Variants in EHHADH observed in about 807,000 individuals in gnomAD.
The protein encoded by EHHADH is peroxisomal bifunctional enzyme.
In EHHADH, 48 loss-of-function variants were observed where a neutral mutation model predicts 64.4. That is an observed-to-expected ratio of 0.75 (90% CI 0.59 to 0.95). EHHADH has a LOEUF of 0.95. Ranked by LOEUF, EHHADH falls within the 40% of genes least tolerant of loss-of-function variation. EHHADH has a pLI of 0.00. For synonymous variants in EHHADH, 308 were observed against 326.7 expected (o/e 0.94, Z 0.62); for missense variants, 854 against 876.6 (o/e 0.97, Z 0.33).
intron 2 of EHHADH, among the ~76,000 whole-genome samples, chr3:185,243,068 G>A (rs1285978652): frequency 6.6e-6 from 1 of 152,150 alleles, no homozygotes; most frequent in East Asian, 1.9e-4. Flanking sequence ...TATTTCACAT[G>A]GCTCTCTAAA....
intron 5 of EHHADH, among the ~76,000 whole-genome samples, chr3:185,217,301 C>T (rs1718706262): frequency 6.6e-6 from 1 of 152,024 alleles, no homozygotes; most frequent in African/African-American, 2.4e-5. Flanking sequence ...AATCCCAGCA[C>T]TTTGGGAGGT....
intron 6 of EHHADH, among the ~76,000 whole-genome samples, chr3:185,201,129 G>A (rs1054288128): frequency 3.9e-5 from 6 of 152,136 alleles, no homozygotes; most frequent in African/African-American, 1.4e-4. Flanking sequence ...TTTGGAAGTG[G>A]AGAAATATTC....
At chr3:185,218,000 C>T in intron 5 of EHHADH, 136 bp downstream of exon 5, 1 of 454,664 alleles carries the variant, frequency 2.2e-6, no homozygotes, top group Admixed American at 3.5e-5. Context: ...CTCCTGACCT[C>T]GTGATCCGCC....
At chr3:185,215,761 A>G (rs1037480387) in intron 5 of EHHADH, among the ~76,000 whole-genome samples, 1 of 152,236 alleles carries the variant, frequency 6.6e-6, no homozygotes, top group Non-Finnish European at 1.5e-5. Flanking sequence ...AACAAAAGCA[A>G]AAATCACTTA....
intron 5 of EHHADH, among the ~76,000 whole-genome samples, chr3:185,209,029 G>A (rs1487320206): frequency 6.6e-6 from 1 of 152,214 alleles, no homozygotes; most frequent in Admixed American, 6.5e-5. Context: ...GGGGATGTGA[G>A]TAGGAGTTAG....
rs991051165 is a variant in EHHADH, at chr3:185,248,477, C to G, written c.115G>C (p.Ala39Pro). Reference sequence around the variant, plus strand: ...GCTTTTATTGTATGGTCTATTACAGCTTTCTGTAGTCCTTCTTTTATGTCA... The same window carrying G: ...GCTTTTATTGTATGGTCTATTACAGGTTTCTGTAGTCCTTCTTTTATGTCA... Reference protein sequence around the residue: ...LRDIKEGLQKAVIDHTIKAIV... With the variant: ...LRDIKEGLQKPVIDHTIKAIV... Residue 39 changes from alanine to proline, a missense_variant, in exon 2 of 7, where the codon GCT becomes CCT. Physicochemically the swap from Ala to Pro is conservative, Grantham distance 27. Coordinates refer to ENST00000231887, the MANE Select transcript of EHHADH (RefSeq NM_001966.4). 4.3e-6 allele frequency: 7 copies of G among 1,613,764 alleles called. No individual in the cohort carries two copies. The highest frequency in any genetic ancestry group is 5.9e-6 in the Non-Finnish European group (7 of 1,179,840).
At position 185,199,593 on chromosome 3, in the gene EHHADH, T is replaced by C. The variant is rs114545208; in HGVS notation, c.910+4823A>G. ...CTGCCTGCAGGCAAAAACATGTTTT[T>C]ACATTTTTAAATAAAAAATTTTAAA... On this transcript the variant is annotated intron_variant, in intron 6 of 6. Coordinates refer to ENST00000231887, the MANE Select transcript of EHHADH (RefSeq NM_001966.4). Among the ~76,000 whole-genome samples the C allele has an allele frequency of 4.7e-3, 718 of 152,374 alleles. 8 individuals are homozygous for C. The highest frequency in any genetic ancestry group is 0.016 in the African/African-American group (684 of 41,586).
At chr3:185,249,186 T>C (rs1005224707) in intron 1 of EHHADH, among the ~76,000 whole-genome samples, 3 of 152,012 alleles carry the variant, frequency 2.0e-5, no homozygotes, top group African/African-American at 4.8e-5. Flanking sequence ...TGGAGTGCAG[T>C]GGCGCGATCT....
At chr3:185,197,941 T>A (rs1329905769) in intron 6 of EHHADH, among the ~76,000 whole-genome samples, 1 of 151,134 alleles carries the variant, frequency 6.6e-6, no homozygotes, top group South Asian at 2.1e-4. Context: ...GGATTACAGG[T>A]GTGCACCACC....
intron 6 of EHHADH, 151 bp from the exon 7 acceptor site, chr3:185,193,638 G>T (rs1323402421): frequency 2.3e-6 from 2 of 877,474 alleles, no homozygotes; most frequent in Non-Finnish European, 3.4e-6. Context: ...TTAAGACTCT[G>T]CACTCTCTTA....
intron 6 of EHHADH, among the ~76,000 whole-genome samples, chr3:185,201,312 A>G (rs1718216165): frequency 1.3e-5 from 2 of 152,170 alleles, no homozygotes; most frequent in Non-Finnish European, 2.9e-5. Context: ...AAAGTGGGTA[A>G]CTGTGAGCCA....
rs116667680 is a variant in EHHADH, at chr3:185,238,632, T to C, written c.179-3170A>G. On this transcript the variant is annotated intron_variant, in intron 2 of 6. Coordinates refer to ENST00000231887, the MANE Select transcript of EHHADH (RefSeq NM_001966.4). ...TATAACCAAAAGACAATGTCCACTT[T>C]TTAATGGAGTTAATTGGTTTTTCCT... Among the ~76,000 whole-genome samples the C allele has an allele frequency of 5.3e-3, 806 of 152,320 alleles. 10 individuals are homozygous for C. The highest frequency in any genetic ancestry group is 0.019 in the African/African-American group (775 of 41,580).
At chr3:185,199,408 GT>G (rs1718164607) in intron 6 of EHHADH, among the ~76,000 whole-genome samples, 1 of 152,122 alleles carries the variant, frequency 6.6e-6, no homozygotes, top group African/African-American at 2.4e-5. Flanking sequence ...GGAAATGTGG[GT>G]TCTTGGATTG....
At chr3:185,214,751 T>C (rs2108635584) in intron 5 of EHHADH, among the ~76,000 whole-genome samples, 1 of 152,322 alleles carries the variant, frequency 6.6e-6, no homozygotes, top group South Asian at 2.1e-4. Flanking sequence ...AAAATGGAAG[T>C]TGTAATAGCT....
Position 185,191,884 on chromosome 3 carries a change from G to A in EHHADH, c.*342C>T, listed in dbSNP as rs1170997167. On this transcript the variant is annotated 3_prime_UTR_variant, in exon 7 of 7. Transcript: ENST00000231887. ...TTGAAAGGAGTCAAAATGAATGTAT[G>A]ACTTAGCTGCATTTATCATTTATTA... 2 of 273,786 alleles carry A rather than the reference G, an allele frequency of 7.3e-6. No homozygotes were observed. Among genetic ancestry groups the A allele is most frequent in the Non-Finnish European group, 1.4e-5 (2 of 145,070 alleles). The allele number at this position is 273,786 out of a possible 1,614,324, so 17.0% of individuals were successfully genotyped here.
At chr3:185,214,297 C>T (rs1456963130) in intron 5 of EHHADH, among the ~76,000 whole-genome samples, 1 of 152,198 alleles carries the variant, frequency 6.6e-6, no homozygotes, top group Non-Finnish European at 1.5e-5. Flanking sequence ...CCTGTGAGGT[C>T]TCAGAACATG....
intron 5 of EHHADH, among the ~76,000 whole-genome samples, chr3:185,211,599 T>G (rs1278010910): frequency 1.3e-5 from 2 of 152,178 alleles, no homozygotes; most frequent in Non-Finnish European, 2.9e-5. Flanking sequence ...CAGAAAGCTG[T>G]GTCCATCATA....
chr3:185,213,279 C>T (rs986090820), intron 5 of EHHADH, among the ~76,000 whole-genome samples: 2 of 152,028 alleles, frequency 1.3e-5, no homozygotes, highest in Non-Finnish European at 2.9e-5. Context: ...ATCAACATCA[C>T]CTAAGCATGT....
At chr3:185,250,002 T>C (rs534228717) in intron 1 of EHHADH, among the ~76,000 whole-genome samples, 1 of 152,182 alleles carries the variant, frequency 6.6e-6, no homozygotes, top group South Asian at 2.1e-4. Context: ...GATCAGGAGG[T>C]AGAAGCTATG....
Sources: gnomAD v4.1 joint callset for allele counts (sites outside exome capture counted in the v4.1 genomes callset) on GRCh38, gnomAD v4.1.1 for gene constraint, MANE v1.5 for transcripts, NCBI Gene and HGNC (gene_info 2026-07-23, HGNC 2026-07-21) for gene names.